The following TMEM132D variants were observed in gnomAD, a reference collection of about 807,000 sequenced individuals.
The protein encoded by TMEM132D is transmembrane protein 132D.
TMEM132D carries 21 observed loss-of-function variants against 62.3 expected under a neutral mutation model. That is an observed-to-expected ratio of 0.34 (90% confidence interval 0.24 to 0.49). The LOEUF (loss-of-function observed/expected upper bound fraction) is 0.49. Among genes scored for constraint, TMEM132D ranks in the 20% least tolerant of loss-of-function variants. The probability of loss-of-function intolerance (pLI) is 0.99; values close to 1 mark genes in which losing one functional copy is unlikely to be tolerated. For synonymous variants in TMEM132D, 621 were observed against 575.6 expected (o/e 1.08, Z -1.13); for missense variants, 1,346 against 1,402.8 (o/e 0.96, Z 0.65).
At chr12:129,230,368 G>A (rs1047200085) in intron 4 of TMEM132D, among the ~76,000 whole-genome samples, 2 of 152,218 alleles carry the variant, frequency 1.3e-5, no homozygotes, top group Non-Finnish European at 2.9e-5. Flanking sequence ...ATGTGGGGCT[G>A]TGATTCTATG....
chr12:129,237,805 C>G lies in TMEM132D; in HGVS notation c.1300-28142G>C, dbSNP rs564538487. Among the ~76,000 whole-genome samples the G allele has an allele frequency of 3.3e-5, 5 of 152,058 alleles. No individual in the cohort carries two copies. In the South Asian group the frequency reaches 1.0e-3, roughly 32 times the overall value. ...ACCAGCCTGGCCAACATGGTGAAACCCTGTCTCTACTAAAAAATTCAAAAA... is the reference window on the plus strand; with the variant it reads ...ACCAGCCTGGCCAACATGGTGAAACGCTGTCTCTACTAAAAAATTCAAAAA... On this transcript the variant is annotated intron_variant, in intron 4 of 8. Coordinates refer to ENST00000422113, the MANE Select transcript of TMEM132D (RefSeq NM_133448.3).
chr12:129,604,262 C>A (rs1256713954), intron 2 of TMEM132D, among the ~76,000 whole-genome samples: 3 of 152,124 alleles, frequency 2.0e-5, no homozygotes, highest in African/African-American at 7.2e-5. Flanking sequence ...TGCAGCAACC[C>A]ACCATGGCAG....
At chr12:129,276,624 T>C (rs1272747958) in intron 4 of TMEM132D, among the ~76,000 whole-genome samples, 1 of 152,230 alleles carries the variant, frequency 6.6e-6, no homozygotes, top group African/African-American at 2.4e-5. Flanking sequence ...GAGGTGGCTT[T>C]TTGTGTCTCC....
At chr12:129,661,137 C>T (rs915151843) in intron 2 of TMEM132D, among the ~76,000 whole-genome samples, 2 of 152,164 alleles carry the variant, frequency 1.3e-5, no homozygotes, top group South Asian at 2.1e-4. Context: ...ACGGGACCTC[C>T]CAACAGTGGC....
intron 3 of TMEM132D, among the ~76,000 whole-genome samples, chr12:129,526,826 G>C (rs6486480): frequency 0.67 from 101,949 of 152,118 alleles, 34,678 homozygotes; most frequent in African/African-American, 0.78. Flanking sequence ...ATGACAGACA[G>C]TCCTGAAGCA....
At chr12:129,611,685 G>T (rs1298027959) in intron 2 of TMEM132D, among the ~76,000 whole-genome samples, 2 of 152,176 alleles carry the variant, frequency 1.3e-5, no homozygotes, top group African/African-American at 2.4e-5. Context: ...GGGAGGACAG[G>T]AATGGAGGAG....
chr12:129,420,962 C>CAT, intron 3 of TMEM132D, among the ~76,000 whole-genome samples: 1 of 134,452 alleles, frequency 7.4e-6, no homozygotes, highest in East Asian at 2.3e-4. Context: ...GTAGATCTAC[C>CAT]TTTTTTTTTT....
chr12:129,861,064 TTA>T lies in TMEM132D; in HGVS notation c.79+42195_79+42196del. On this transcript the variant is annotated intron_variant, in intron 1 of 8. Transcript: ENST00000422113. Reference sequence around the variant, plus strand: ...AATTATTGGAATCTCCTTCACTATGTTATGTTTTTAACCTTTTGAAACGCTTT... The same window carrying T: ...AATTATTGGAATCTCCTTCACTATGTTGTTTTTAACCTTTTGAAACGCTTT... Among the ~76,000 whole-genome samples the T allele has an allele frequency of 2.0e-5, 3 of 152,376 alleles. No homozygotes were observed. The South Asian group carries it at 6.2e-4, about 32-fold the overall frequency.
chr12:129,870,131 T>C (rs967772455), intron 1 of TMEM132D, among the ~76,000 whole-genome samples: 2 of 152,080 alleles, frequency 1.3e-5, no homozygotes, highest in African/African-American at 4.8e-5. Context: ...TACAGGTGCA[T>C]GCCACCATGC....
rs1426870608 is a variant in TMEM132D at position 129,842,021 on chromosome 12, C to T, written c.79+61240G>A. Among the ~76,000 whole-genome samples, 14 of 150,420 alleles carry T rather than the reference C, an allele frequency of 9.3e-5. No individual in the cohort carries two copies. In the East Asian group the frequency reaches 2.7e-3, roughly 29 times the overall value. On this transcript the variant is annotated intron_variant, in intron 1 of 8. Transcript: ENST00000422113. ...TCTCGGCTCACTGCAAGCTCTGCCT[C>T]CTGGTTTCACGCCATTCTCCTGCCT...
intron 3 of TMEM132D, among the ~76,000 whole-genome samples, chr12:129,452,937 C>T (rs929150443): frequency 1.3e-5 from 2 of 152,160 alleles, no homozygotes; most frequent in Non-Finnish European, 2.9e-5. Flanking sequence ...ACCCCCGGGG[C>T]CATGGACCCA....
chr12:129,423,289 G>A (rs1320263050), intron 3 of TMEM132D, among the ~76,000 whole-genome samples: 2 of 152,112 alleles, frequency 1.3e-5, no homozygotes, highest in Non-Finnish European at 2.9e-5. Flanking sequence ...AGGAAACAGT[G>A]CTCTGCAAAC....
Position 129,740,467 on chromosome 12 carries a change from T to C in TMEM132D, c.80-39769A>G, listed in dbSNP as rs149621404. Among the ~76,000 whole-genome samples, 226 of 152,264 alleles carry C rather than the reference T, an allele frequency of 1.5e-3. 1 individual carries two copies. The highest frequency in any genetic ancestry group is 5.1e-3 in the African/African-American group (210 of 41,566). On this transcript the variant is annotated intron_variant, in intron 1 of 8. Transcript: ENST00000422113. ...CAAGGTATTTGCCTGAAGGTGGTCA[T>C]TGTCTATGCTGCAAATATTATTCTT...
chr12:129,741,103 G>A (rs1869591655), intron 1 of TMEM132D, among the ~76,000 whole-genome samples: 1 of 152,166 alleles, frequency 6.6e-6, no homozygotes, highest in South Asian at 2.1e-4. Context: ...CATGTGGCAT[G>A]GCACAAATTC....
At chr12:129,388,179 T>C (rs1386834396) in intron 3 of TMEM132D, among the ~76,000 whole-genome samples, 4 of 121,574 alleles carry the variant, frequency 3.3e-5, no homozygotes, top group African/African-American at 1.3e-4. Flanking sequence ...GCAACACCAA[T>C]ATTAACACCA....
Position 129,337,577 on chromosome 12 carries a change from C to T in TMEM132D, c.1299+57G>A, listed in dbSNP as rs538704227. 9.3e-5 allele frequency: 149 copies of T among 1,603,448 alleles called. 1 individual carries two copies. In the East Asian group the frequency reaches 2.7e-3, roughly 29 times the overall value. On this transcript the variant is annotated intron_variant, in intron 4 of 8. Coordinates refer to ENST00000422113, the MANE Select transcript of TMEM132D (RefSeq NM_133448.3). ...CCCAGCCTGGGACTCAGTGCGGCGC[C>T]GGCGCCTTCCCCTCCCCCGAGTTCA...
intron 2 of TMEM132D, among the ~76,000 whole-genome samples, chr12:129,670,387 CTGCCCCTAAGA>C (rs908535968): frequency 2.9e-4 from 44 of 152,302 alleles, no homozygotes; most frequent in African/African-American, 1.1e-3. Context: ...CCTCCCTAAG[CTGCCCCTAAGA>C]TCAGGGCTTG....
chr12:129,424,420 T>G (rs1338161101), intron 3 of TMEM132D, among the ~76,000 whole-genome samples: 1 of 152,146 alleles, frequency 6.6e-6, no homozygotes, highest in Admixed American at 6.5e-5. Flanking sequence ...GATGATACTC[T>G]CTACCTTGCA....
intron 1 of TMEM132D, among the ~76,000 whole-genome samples, chr12:129,778,884 G>A (rs1871030695): frequency 1.3e-5 from 2 of 152,078 alleles, no homozygotes; most frequent in Non-Finnish European, 1.5e-5. Context: ...TGCTTACCTC[G>A]CCTGTGGCAA....
Sources: allele counts gnomAD v4.1 joint callset (sites outside exome capture counted in the v4.1 genomes callset), GRCh38; gene constraint gnomAD v4.1.1; transcripts MANE v1.5; gene names NCBI Gene and HGNC (gene_info 2026-07-23, HGNC 2026-07-21).